The following MAP3K5 variants were observed in gnomAD, a reference collection of about 807,000 sequenced individuals.
The protein encoded by MAP3K5 is mitogen-activated protein kinase kinase kinase 5.
MAP3K5 carries 56 observed loss-of-function variants against 158.7 expected under a neutral mutation model. The ratio of observed to expected loss-of-function variants is 0.35; its 90% CI spans 0.28 to 0.44. MAP3K5 has a LOEUF of 0.44. MAP3K5 is among the 20% of genes least tolerant of loss of function. The pLI, the probability that MAP3K5 is intolerant of heterozygous loss-of-function variation, is 1.00. For synonymous variants in MAP3K5, 579 were observed against 601.7 expected, an observed-to-expected ratio of 0.96 and a Z score of 0.55; for missense variants, 1,294 against 1,674.8, an observed-to-expected ratio of 0.77 and a Z score of 3.97.
chr6:136,667,850 G>GA (rs912902012), intron 8 of MAP3K5, among the ~76,000 whole-genome samples: 3 of 146,426 alleles, frequency 2.0e-5, no homozygotes, highest in African/African-American at 5.0e-5. Context: ...TGTCTCAGAA[G>GA]AAAAAAAAAA....
chr6:136,724,811 CTCTT>C (rs974532861), intron 1 of MAP3K5, among the ~76,000 whole-genome samples: 15 of 152,228 alleles, frequency 9.9e-5, no homozygotes, highest in Non-Finnish European at 1.9e-4. Context: ...AAAATTCATT[CTCTT>C]TGTCTCTGAT....
At chr6:136,753,549 T>C (rs1380542748) in intron 1 of MAP3K5, among the ~76,000 whole-genome samples, 1 of 152,178 alleles carries the variant, frequency 6.6e-6, no homozygotes, top group Non-Finnish European at 1.5e-5. Context: ...GATAATCTTG[T>C]TAAAATACTT....
At chr6:136,732,839 GA>G (rs1782287013) in intron 1 of MAP3K5, among the ~76,000 whole-genome samples, 1 of 152,216 alleles carries the variant, frequency 6.6e-6, no homozygotes, top group African/African-American at 2.4e-5. Context: ...AGAGGTAAAG[GA>G]AAATATGAAA....
At chr6:136,739,437 C>CCATG (rs1359184198) in intron 1 of MAP3K5, among the ~76,000 whole-genome samples, 1 of 152,132 alleles carries the variant, frequency 6.6e-6, no homozygotes, top group East Asian at 1.9e-4. Context: ...AGAGAGTGGG[C>CCATG]CATGGGTCAG....
At chr6:136,765,523 A>C (rs1441338234) in intron 1 of MAP3K5, among the ~76,000 whole-genome samples, 1 of 144,520 alleles carries the variant, frequency 6.9e-6, no homozygotes, top group East Asian at 2.0e-4. Flanking sequence ...TTATTTTTTT[A>C]TTTTTTTGAG....
intron 26 of MAP3K5, among the ~76,000 whole-genome samples, chr6:136,562,822 C>A: frequency 6.6e-6 from 1 of 150,558 alleles, no homozygotes; most frequent in Admixed American, 6.7e-5. Context: ...AGACATGCAC[C>A]ACCATGCCTG....
chr6:136,644,506 G>A (rs1252859148), intron 11 of MAP3K5, among the ~76,000 whole-genome samples: 4 of 152,200 alleles, frequency 2.6e-5, no homozygotes, highest in Non-Finnish European at 4.4e-5. Flanking sequence ...TCTAGGAACG[G>A]GTTAGCCTCA....
chr6:136,757,586 A>AT (rs897486770), intron 1 of MAP3K5, among the ~76,000 whole-genome samples: 4,174 of 127,700 alleles, frequency 0.033, 99 homozygotes, highest in Non-Finnish European at 0.04. Context: ...TTTATTTTTT[A>AT]TTTTTTTTTT....
chr6:136,609,238 A>T lies in MAP3K5; in HGVS notation c.2521+2044T>A, dbSNP rs12055683. On this transcript the variant is annotated intron_variant, in intron 18 of 29. Transcript: ENST00000359015. The surrounding 1 kb of genome is among the most constrained non-coding windows in gnomAD (Gnocchi z 4.4). ...ACTGCTGCTTGCCAAGTTAAGAGTA[A>T]GAGGAAAGAAATGTAAAGACATTTG... is the stretch of plus-strand genomic sequence containing the variant. Among the ~76,000 whole-genome samples, 1,743 of 152,310 alleles carry T rather than the reference A, an allele frequency of 0.011. 28 individuals carry two copies. Among genetic ancestry groups the T allele is most frequent in the East Asian group, 0.082 (423 of 5,176 alleles).
At position 136,561,484 on chromosome 6, in the gene MAP3K5, T is replaced by A. The variant is rs753375251; in HGVS notation, c.3987+49A>T. On this transcript the variant is annotated intron_variant, in intron 28 of 29. Coordinates refer to ENST00000359015, the MANE Select transcript of MAP3K5 (RefSeq NM_005923.4). Reference sequence around the variant, plus strand: ...CCTGTCACATAGCAGGCACCCAACATTATGAAACGAAGTGAAAGAATACTT... The same window carrying A: ...CCTGTCACATAGCAGGCACCCAACAATATGAAACGAAGTGAAAGAATACTT... The A allele has an allele frequency of 2.2e-5, 30 of 1,378,094 alleles. 1 individual carries two copies. In the South Asian group the frequency reaches 3.3e-4, roughly 15 times the overall value. The allele number at this position is 1,378,094 out of a possible 1,614,324, so 85.4% of individuals were successfully genotyped here.
rs919543535 is a variant in MAP3K5 at position 136,595,334 on chromosome 6, A to G, written c.2879-2720T>C. ...CGGCCAGGCTGGTCTCAAACTCCTG[A>G]CATCAAGTAATCCACCTGCTTCGGC... On this transcript the variant is annotated intron_variant, in intron 21 of 29. Transcript: ENST00000359015. Among the ~76,000 whole-genome samples, 7 of 152,188 alleles carry G rather than the reference A, an allele frequency of 4.6e-5. 1 individual carries two copies. Among genetic ancestry groups the G allele is most frequent in the Admixed American group, 2.6e-4 (4 of 15,288 alleles).
rs776503548 is a variant in MAP3K5 at position 136,698,445 on chromosome 6, C to T, written c.806+44G>A. 7 of 1,516,620 alleles carry T rather than the reference C, an allele frequency of 4.6e-6. No individual in the cohort carries two copies. The African/African-American group carries it at 9.6e-5, about 21-fold the overall frequency. The allele number at this position is 1,516,620 out of a possible 1,614,324, so 93.9% of individuals were successfully genotyped here. On this transcript the variant is annotated intron_variant, in intron 4 of 29. Transcript: ENST00000359015. ...ATGCACAAATAAAGATGTAGAATAA[C>T]ACTTTATTGTCATCACCAAATGGCA...
chr6:136,704,545 TTTTA>T (rs1367966776), intron 3 of MAP3K5, among the ~76,000 whole-genome samples: 1 of 152,156 alleles, frequency 6.6e-6, no homozygotes, highest in Non-Finnish European at 1.5e-5. Flanking sequence ...AAGATTTTCT[TTTTA>T]TTTATTTATT....
Position 136,791,939 on chromosome 6 carries a change from C to T in MAP3K5, c.219G>A (p.Ser73=). 1.2e-6 allele frequency: 2 copies of T among 1,611,798 alleles called. No individual in the cohort carries two copies. The highest frequency in any genetic ancestry group is 2.2e-5 in the South Asian group (2 of 90,990). ...TGCCCCGGCCTCGGGTGGCACTGCT[C>T]GAGGAGGTGGCCGCCGGACAACCGA... ...PGIGCPAATS[S]SSATRGRGSS... is the part of the protein sequence containing the mutation. Residue 73 remains serine (S), a synonymous_variant, in exon 1 of 30, where the codon TCG becomes TCA. Transcript: ENST00000359015.
intron 1 of MAP3K5, among the ~76,000 whole-genome samples, chr6:136,789,225 A>G (rs1330875170): frequency 1.3e-5 from 2 of 152,228 alleles, no homozygotes; most frequent in African/African-American, 4.8e-5. Flanking sequence ...CAGGAGGATC[A>G]CTAGAGCCCA....
At chr6:136,665,071 T>C (rs1779169066) in intron 8 of MAP3K5, among the ~76,000 whole-genome samples, 1 of 152,196 alleles carries the variant, frequency 6.6e-6, no homozygotes, top group Non-Finnish European at 1.5e-5. Flanking sequence ...GGTCTTCCCA[T>C]TCTACAGGTA....
intron 3 of MAP3K5, among the ~76,000 whole-genome samples, chr6:136,703,684 T>C (rs1350065531): frequency 1.3e-5 from 2 of 152,218 alleles, no homozygotes; most frequent in African/African-American, 4.8e-5. Context: ...CCTGTTGAGA[T>C]AGGAAGGATA....
chr6:136,592,653 T>G (rs1775444677), intron 21 of MAP3K5, 39 bp from the exon 22 acceptor site: 2 of 1,552,128 alleles, frequency 1.3e-6, no homozygotes, highest in Non-Finnish European at 1.8e-6. Flanking sequence ...AATTGACACT[T>G]TAAAAAATGT....
intron 1 of MAP3K5, among the ~76,000 whole-genome samples, chr6:136,774,283 TC>T (rs1174771249): frequency 6.6e-6 from 1 of 151,952 alleles, no homozygotes; most frequent in Non-Finnish European, 1.5e-5. Context: ...AAACCCCATC[TC>T]TACAAAAAAA....
Sources: gnomAD v4.1 joint callset for allele counts (sites outside exome capture counted in the v4.1 genomes callset) on GRCh38, gnomAD v4.1.1 for gene constraint, Gnocchi (gnomAD v3.1) non-coding constraint, MANE v1.5 for transcripts, NCBI Gene and HGNC (gene_info 2026-07-23, HGNC 2026-07-21) for gene names.